ARK2C: variants seen among roughly 807,000 people sequenced by gnomAD.
The protein encoded by ARK2C is E3 ubiquitin-protein ligase ARK2C.
chr18:46,364,405 TAA>T, the ARK2C span, among the ~76,000 whole-genome samples: 2,091 of 144,996 alleles, frequency 0.014, 29 homozygotes, highest in African/African-American at 0.045. Flanking sequence ...CTAAGAAACT[TAA>T]AAAAAAAAAA....
At chr18:46,456,521 G>A in the ARK2C span, 1 of 1,612,374 alleles carries the variant, frequency 6.2e-7, no homozygotes, top group Non-Finnish European at 8.5e-7. Flanking sequence ...TCTTCCAGAC[G>A]CCTACCCTGT....
At chr18:46,374,378 C>T in the ARK2C span, among the ~76,000 whole-genome samples, 1 of 152,158 alleles carries the variant, frequency 6.6e-6, no homozygotes, top group African/African-American at 2.4e-5. Context: ...TTCTCACCTA[C>T]CCCAATGAAA....
the ARK2C span, among the ~76,000 whole-genome samples, chr18:46,418,013 A>G: frequency 2.0e-5 from 3 of 151,680 alleles, no homozygotes; most frequent in African/African-American, 7.3e-5. Context: ...AAAAAAAAGT[A>G]TAATGTAAGA....
the ARK2C span, chr18:46,457,555 C>T: frequency 6.5e-6 from 1 of 152,968 alleles, no homozygotes; most frequent in African/African-American, 2.4e-5. Context: ...ACTTCATGGC[C>T]CCAGCTATAT....
chr18:46,372,649 C>T, the ARK2C span, among the ~76,000 whole-genome samples: 2 of 152,176 alleles, frequency 1.3e-5, no homozygotes, highest in Non-Finnish European at 2.9e-5. Flanking sequence ...TTGGGGGTCT[C>T]CTGTTAGAAT....
chr18:46,431,548 G>A, the ARK2C span, among the ~76,000 whole-genome samples: 67 of 152,276 alleles, frequency 4.4e-4, no homozygotes, highest in South Asian at 1.7e-3. Context: ...AGGGGCACAC[G>A]CTTAGGTAAC....
chr18:46,441,990 C>G, the ARK2C span, among the ~76,000 whole-genome samples: 1 of 151,292 alleles, frequency 6.6e-6, no homozygotes, highest in African/African-American at 2.4e-5. Context: ...CGGTGAAACC[C>G]CGTCTCTACT....
chr18:46,418,788 G>A, the ARK2C span, among the ~76,000 whole-genome samples: 1 of 152,338 alleles, frequency 6.6e-6, no homozygotes, highest in South Asian at 2.1e-4. Context: ...CCATGCTCTG[G>A]GCTGTGAGGG....
chr18:46,370,822 A>G, the ARK2C span, among the ~76,000 whole-genome samples: 2 of 152,192 alleles, frequency 1.3e-5, no homozygotes, highest in African/African-American at 4.8e-5. Context: ...CCAAGATCCT[A>G]CAAGCTGTTG....
the ARK2C span, among the ~76,000 whole-genome samples, chr18:46,395,065 C>T: frequency 1.1e-4 from 17 of 152,368 alleles, no homozygotes; most frequent in South Asian, 3.1e-3. Flanking sequence ...CCCCTCTCCT[C>T]GCTGGAACTC....
the ARK2C span, chr18:46,450,835 G>A: frequency 4.0e-6 from 6 of 1,494,834 alleles, no homozygotes; most frequent in Non-Finnish European, 5.6e-6. Context: ...CATAGTCAGG[G>A]AATGGGGCAG....
the ARK2C span, among the ~76,000 whole-genome samples, chr18:46,443,752 C>T: frequency 3.9e-5 from 6 of 152,148 alleles, no homozygotes; most frequent in Admixed American, 2.0e-4. Flanking sequence ...AGAAGTTTGC[C>T]AATCTCTGCT....
At chr18:46,392,999 C>T in the ARK2C span, among the ~76,000 whole-genome samples, 1 of 152,156 alleles carries the variant, frequency 6.6e-6, no homozygotes, top group Non-Finnish European at 1.5e-5. Context: ...AAGGCAGCCT[C>T]CTCACCTCAT....
the ARK2C span, chr18:46,433,049 C>T: frequency 1.7e-6 from 1 of 602,512 alleles, no homozygotes; most frequent in Non-Finnish European, 2.9e-6. Context: ...GACCACATGC[C>T]TCTAACAGTG....
the ARK2C span, chr18:46,433,371 G>A: frequency 6.2e-7 from 1 of 1,613,220 alleles, no homozygotes; most frequent in Non-Finnish European, 8.5e-7. Flanking sequence ...TGCACCAGTC[G>A]CTGACCCCGC....
At chr18:46,391,276 A>T in the ARK2C span, among the ~76,000 whole-genome samples, 1 of 152,178 alleles carries the variant, frequency 6.6e-6, no homozygotes, top group African/African-American at 2.4e-5. Flanking sequence ...CAGCACCTTC[A>T]CCTGTAGCGG....
At chr18:46,380,998 G>A in the ARK2C span, among the ~76,000 whole-genome samples, 4 of 152,350 alleles carry the variant, frequency 2.6e-5, no homozygotes, top group South Asian at 2.1e-4. Flanking sequence ...TGACTCCAGA[G>A]TAGGAACGCA....
the ARK2C span, among the ~76,000 whole-genome samples, chr18:46,384,269 G>C: frequency 6.6e-6 from 1 of 152,206 alleles, no homozygotes; most frequent in Non-Finnish European, 1.5e-5. Context: ...GTCCCAGGGG[G>C]CTGGGATGCC....
the ARK2C span, chr18:46,433,288 C>A: frequency 6.2e-7 from 1 of 1,610,942 alleles, no homozygotes; most frequent in South Asian, 1.1e-5. Flanking sequence ...CGACTTCCCG[C>A]TGGCCCACCC....
Sources: allele counts gnomAD v4.1 joint callset (sites outside exome capture counted in the v4.1 genomes callset), GRCh38; gene constraint gnomAD v4.1.1; transcripts MANE v1.5; gene names NCBI Gene and HGNC (gene_info 2026-07-23, HGNC 2026-07-21).